ACSBG1: variants seen among roughly 807,000 people sequenced by gnomAD.
ACSBG1 encodes long-chain-fatty-acid--CoA ligase ACSBG1.
A neutral mutation model predicts 80.2 loss-of-function variants in ACSBG1; 39 were observed. The observed-to-expected ratio is 0.49, with a 90% confidence interval of 0.38 to 0.64. ACSBG1 has a LOEUF of 0.64. ACSBG1 is among the 30% of genes least tolerant of loss of function. The pLI, the probability that ACSBG1 is intolerant of heterozygous loss-of-function variation, is 0.00. For synonymous variants in ACSBG1, 392 were observed against 379.5 expected, an observed-to-expected ratio of 1.03 and a Z score of -0.38; for missense variants, 828 against 966.4, an observed-to-expected ratio of 0.86 and a Z score of 1.90.
intron 1 of ACSBG1, among the ~76,000 whole-genome samples, chr15:78,225,443 T>A (rs1209535003): frequency 7.9e-6 from 1 of 126,434 alleles, no homozygotes; most frequent in African/African-American, 3.0e-5. Flanking sequence ...AAAAATAAAT[T>A]AAAAAATAAA....
At chr15:78,181,333 TTAAAA>T (rs1306492753) in intron 8 of ACSBG1, among the ~76,000 whole-genome samples, 5 of 151,978 alleles carry the variant, frequency 3.3e-5, no homozygotes, top group African/African-American at 9.7e-5. Flanking sequence ...TTCCTCACAG[TTAAAA>T]TAAGGGTCCA....
chr15:78,180,413 G>A (rs2074930579), intron 9 of ACSBG1, among the ~76,000 whole-genome samples: 1 of 152,216 alleles, frequency 6.6e-6, no homozygotes, highest in South Asian at 2.1e-4. Context: ...GGCCGGAAAG[G>A]CTAAGTCCTG....
intron 1 of ACSBG1, among the ~76,000 whole-genome samples, chr15:78,219,110 C>T (rs1268798207): frequency 6.6e-6 from 1 of 152,188 alleles, no homozygotes; most frequent in Non-Finnish European, 1.5e-5. Flanking sequence ...CTGCACCCAG[C>T]TGCATCTTCT....
chr15:78,194,414 C>A lies in ACSBG1; in HGVS notation c.453+92G>T. The A allele has an allele frequency of 2.5e-6, 3 of 1,205,086 alleles. No homozygotes were observed. In the South Asian group the frequency reaches 4.0e-5, roughly 16 times the overall value. The allele number at this position is 1,205,086 out of a possible 1,614,324, so 74.6% of individuals were successfully genotyped here. On this transcript the variant is annotated intron_variant, in intron 3 of 13. Transcript: ENST00000258873. ...CAGTTATTGTTCCTAAGAGCCTTGC[C>A]CAGTGGGCAGTTGGAGAGGAGGCCT... is the stretch of plus-strand genomic sequence containing the variant.
At chr15:78,173,495 T>G in intron 13 of ACSBG1, 98 bp downstream of exon 13, 1 of 1,516,962 alleles carries the variant, frequency 6.6e-7, no homozygotes, top group Non-Finnish European at 8.9e-7. Context: ...CATGACCTTC[T>G]CTTTGCCGTG....
intron 1 of ACSBG1, among the ~76,000 whole-genome samples, chr15:78,219,853 G>A (rs1227052500): frequency 5.3e-5 from 8 of 152,004 alleles, no homozygotes; most frequent in African/African-American, 7.2e-5. Flanking sequence ...GCGTGGGGGC[G>A]GGCACCTGTA....
chr15:78,198,367 G>C (rs577318992), intron 2 of ACSBG1, among the ~76,000 whole-genome samples: 2 of 144,864 alleles, frequency 1.4e-5, no homozygotes, highest in African/African-American at 5.2e-5. Flanking sequence ...TTGTTTTTGA[G>C]ACAAAGTCTC....
Position 78,182,555 on chromosome 15 carries a change from C to T in ACSBG1, c.805G>A (p.Asp269Asn). ...VPEEALDAII[D>N]TQQPNQCCVL... ...CAGCACTGGTTGGGCTGCTGGGTGTCAATGATGGCGTCCAGGGCTTCCTCA... is the reference window on the plus strand; with the variant it reads ...CAGCACTGGTTGGGCTGCTGGGTGTTAATGATGGCGTCCAGGGCTTCCTCA... The change falls in exon 7 of 14, where the codon GAC becomes AAC. Residue 269 changes from aspartate (D) to asparagine (N), a missense_variant. This residue lies in a region of ACSBG1 where 356 missense variants were observed against 363.5 expected (regional missense o/e 0.98). Coordinates refer to ENST00000258873, the MANE Select transcript of ACSBG1 (RefSeq NM_015162.5). The T allele has an allele frequency of 1.2e-6, 2 of 1,614,154 alleles. No individual in the cohort carries two copies. Among genetic ancestry groups the T allele is most frequent in the Non-Finnish European group, 1.7e-6 (2 of 1,180,014 alleles).
chr15:78,172,313 A>C lies in ACSBG1; in HGVS notation c.2090-784T>G, dbSNP rs1249535010. Among the ~76,000 whole-genome samples the C allele has an allele frequency of 6.6e-6, 1 of 152,268 alleles. No homozygotes were observed. The highest frequency in any genetic ancestry group is 1.5e-5 in the Non-Finnish European group (1 of 68,050). On this transcript the variant is annotated intron_variant, in intron 13 of 13. Transcript: ENST00000258873. This position sits in a 1 kb window ranked among gnomAD's most constrained non-coding sequence, Gnocchi z 4.1. ...CAGCAATGTATTAGATAGCTAGTAC[A>C]CATCATCTCTGCATTTTTGTGAACG...
rs372660852 is a variant in ACSBG1 at position 78,174,407 on chromosome 15, A to G, written c.1820T>C (p.Leu607Pro). The G allele has an allele frequency of 1.2e-6, 2 of 1,614,074 alleles. No individual in the cohort carries two copies. Among genetic ancestry groups the G allele is most frequent in the African/African-American group, 2.7e-5 (2 of 74,926 alleles). ...CACCTTCAAGGTGAGCAGCATGGAC[A>G]GGAACTTCCTCTGGTCCCCAATGAG... The part of the protein sequence containing the change: ...AMLIGDQRKF[L>P]SMLLTLKCTL... Residue 607 changes from leucine (L) to proline (P), a missense_variant, in exon 12 of 14, where the codon CTG (leucine) becomes CCG (proline). Around this residue, in one of 3 missense-constraint regions of ACSBG1, gnomAD observed 201 missense variants for 227.0 expected, o/e 0.89. Coordinates refer to ENST00000258873, the MANE Select transcript of ACSBG1 (RefSeq NM_015162.5).
In ACSBG1 at chr15:78,227,218, CAAAAAAAAAA is replaced by C. The variant is rs56011241; in HGVS notation, c.131+7143_131+7152del. Among the ~76,000 whole-genome samples the C allele has an allele frequency of 7.4e-5, 4 of 53,744 alleles. No homozygotes were observed. In the Admixed American group the frequency reaches 7.8e-4, roughly 10 times the overall value. The allele number at this position is 53,744 out of a possible 152,430, so 35.3% of individuals were successfully genotyped here. ...TGGGTGACAGAGCGAGACCCTGTCTCAAAAAAAAAAAAAAAAAAAAAAAAAAGATACACAA... is the reference window on the plus strand; with the variant it reads ...TGGGTGACAGAGCGAGACCCTGTCTCAAAAAAAAAAAAAAAAGATACACAA... On this transcript the variant is annotated intron_variant, in intron 1 of 13. Coordinates refer to ENST00000258873, the MANE Select transcript of ACSBG1 (RefSeq NM_015162.5).
At position 78,178,654 on chromosome 15, in the gene ACSBG1, CA is replaced by C; in HGVS notation, c.1661del (p.Leu554ArgfsTer16). On this transcript the variant is annotated frameshift_variant, in exon 11 of 14. Coordinates refer to ENST00000258873, the MANE Select transcript of ACSBG1 (RefSeq NM_015162.5). LOFTEE classifies it high-confidence loss of function. The surrounding 1 kb of genome is among the most constrained non-coding windows in gnomAD (Gnocchi z 4.3). ...GWLHTGDAGR[L>X]DADGFLYITG... The stretch of plus-strand genomic sequence containing the variant: ...TGATGTAGAGGAAGCCATCGGCGTC[CA>C]GGCGGCCAGCATCACCCGTGTGCAG... 6.2e-7 allele frequency: 1 copy of C among 1,613,876 alleles called. No individual in the cohort carries two copies. The highest frequency in any genetic ancestry group is 8.5e-7 in the Non-Finnish European group (1 of 1,179,952).
intron 1 of ACSBG1, among the ~76,000 whole-genome samples, chr15:78,231,925 GTTC>G (rs2075449999): frequency 6.6e-6 from 1 of 152,174 alleles, no homozygotes; most frequent in Non-Finnish European, 1.5e-5. Context: ...CAAGAATTAA[GTTC>G]TTTTCTCACA....
At position 78,178,558 on chromosome 15, in the gene ACSBG1, T is replaced by A; in HGVS notation, c.1702+56A>T. 6.5e-7 allele frequency: 1 copy of A among 1,542,838 alleles called. No individual in the cohort carries two copies. Among genetic ancestry groups the A allele is most frequent in the South Asian group, 1.2e-5 (1 of 81,014 alleles). ...CTCAGACAATCTGCCCGCCTTGGCC[T>A]CCCAAAGTGCTGGGATTACAGGCAT... On this transcript the variant is annotated intron_variant, in intron 11 of 13. Coordinates refer to ENST00000258873, the MANE Select transcript of ACSBG1 (RefSeq NM_015162.5). This position sits in a 1 kb window ranked among gnomAD's most constrained non-coding sequence, Gnocchi z 4.3.
Position 78,193,922 on chromosome 15 carries a change from C to A in ACSBG1, c.542+10G>T, listed in dbSNP as rs200481684. On this transcript the variant is annotated intron_variant, in intron 4 of 13. Coordinates refer to ENST00000258873, the MANE Select transcript of ACSBG1 (RefSeq NM_015162.5). ...CCCCTGGAGACCCCGTCCCTGCCCCCGCCACTCACCCTGCAAATACTGTGC... is the reference window on the plus strand; with the variant it reads ...CCCCTGGAGACCCCGTCCCTGCCCCAGCCACTCACCCTGCAAATACTGTGC... 3.1e-6 allele frequency: 5 copies of A among 1,613,594 alleles called. No individual in the cohort carries two copies. The Admixed American group carries it at 5.0e-5, about 16-fold the overall frequency.
intron 2 of ACSBG1, among the ~76,000 whole-genome samples, chr15:78,203,009 G>A (rs1004095347): frequency 2.6e-5 from 4 of 152,176 alleles, no homozygotes; most frequent in African/African-American, 7.2e-5. Flanking sequence ...AATATTTAAT[G>A]ACATATGGAA....
intron 1 of ACSBG1, chr15:78,226,488 T>A (rs1329006677): frequency 6.4e-6 from 1 of 155,060 alleles, no homozygotes; most frequent in Non-Finnish European, 1.4e-5. Context: ...GCTGTAGTAG[T>A]GGGCCAGGTG....
intron 2 of ACSBG1, among the ~76,000 whole-genome samples, chr15:78,196,057 C>T (rs573105407): frequency 1.3e-5 from 2 of 152,206 alleles, no homozygotes; most frequent in African/African-American, 2.4e-5. Flanking sequence ...CAGACCCAAA[C>T]GGGATACATG....
intron 1 of ACSBG1, among the ~76,000 whole-genome samples, chr15:78,226,793 T>TATATAATATATATAATATATATATATATA (rs1555434845): frequency 1.6e-5 from 2 of 129,018 alleles, no homozygotes; most frequent in African/African-American, 5.9e-5. Context: ...AAAATATATA[T>TATATAATATATATAATATATATATATATA]ATATATATAA....
Sources: gnomAD v4.1 joint callset for allele counts (sites outside exome capture counted in the v4.1 genomes callset) on GRCh38, gnomAD v4.1.1 for gene constraint, gnomAD v4.1.1 regional missense constraint, Gnocchi (gnomAD v3.1) non-coding constraint, MANE v1.5 for transcripts, NCBI Gene and HGNC (gene_info 2026-07-23, HGNC 2026-07-21) for gene names.